Variants in CDH13 observed in about 807,000 individuals in gnomAD.
The protein encoded by CDH13 is cadherin-13.
In CDH13, 24 loss-of-function variants were observed where a neutral mutation model predicts 63.8. The ratio of observed to expected loss-of-function variants is 0.38; its 90% confidence interval spans 0.27 to 0.53. CDH13 has a LOEUF of 0.53. Ranked by LOEUF, CDH13 falls within the 20% of genes least tolerant of loss-of-function variation. CDH13 has a pLI of 0.85. For synonymous variants in CDH13, 503 were observed against 355.3 expected (o/e 1.42, Z -4.67); for missense variants, 1,049 against 903.1 (o/e 1.16, Z -2.07).
chr16:82,693,293 G>A (rs1188590150), intron 1 of CDH13, among the ~76,000 whole-genome samples: 1 of 152,174 alleles, frequency 6.6e-6, no homozygotes, highest in South Asian at 2.1e-4. Context: ...TTTATTTTAA[G>A]CTTCTTAGTT....
chr16:83,208,930 C>G (rs2039257360), intron 4 of CDH13, among the ~76,000 whole-genome samples: 1 of 152,080 alleles, frequency 6.6e-6, no homozygotes, highest in African/African-American at 2.4e-5. Context: ...AAAGGGACCC[C>G]TGCAAATTAT....
intron 8 of CDH13, among the ~76,000 whole-genome samples, chr16:83,652,399 C>T (rs1423512091): frequency 2.0e-5 from 3 of 152,264 alleles, no homozygotes; most frequent in South Asian, 2.1e-4. Context: ...TAGACATGTG[C>T]TTTCTCCAGT....
chr16:83,481,172 C>A (rs902043985), intron 6 of CDH13, among the ~76,000 whole-genome samples: 9 of 152,192 alleles, frequency 5.9e-5, no homozygotes, highest in African/African-American at 2.2e-4. Flanking sequence ...CACACTTCTC[C>A]CTGGAAAGCA....
intron 2 of CDH13, among the ~76,000 whole-genome samples, chr16:82,897,444 C>G (rs2041307515): frequency 6.6e-6 from 1 of 152,216 alleles, no homozygotes; most frequent in Non-Finnish European, 1.5e-5. Context: ...GGCTCTTCCT[C>G]CAGGTTTTCT....
chr16:82,728,779 T>G (rs1230550979), intron 1 of CDH13, among the ~76,000 whole-genome samples: 1 of 152,192 alleles, frequency 6.6e-6, no homozygotes, highest in African/African-American at 2.4e-5. Flanking sequence ...TGTAAAAATT[T>G]TGTATAGCAT....
At chr16:83,494,575 A>G (rs374254358) in intron 7 of CDH13, among the ~76,000 whole-genome samples, 161 of 152,270 alleles carry the variant, frequency 1.1e-3, no homozygotes, top group African/African-American at 3.8e-3. Flanking sequence ...GTTGGTTGAG[A>G]GTTTTTGGGA....
intron 6 of CDH13, among the ~76,000 whole-genome samples, chr16:83,460,168 T>C (rs1031048977): frequency 6.6e-6 from 1 of 152,234 alleles, no homozygotes; most frequent in Admixed American, 6.5e-5. Flanking sequence ...TGGCCATTGC[T>C]AAAATTCCAG....
At chr16:83,710,819 G>A (rs553498789) in intron 10 of CDH13, among the ~76,000 whole-genome samples, 3 of 152,180 alleles carry the variant, frequency 2.0e-5, no homozygotes, top group Non-Finnish European at 4.4e-5. Context: ...TTCGGAACGG[G>A]AGAGGGCTGC....
chr16:82,874,675 A>C (rs1226740746), intron 2 of CDH13, among the ~76,000 whole-genome samples: 1 of 152,214 alleles, frequency 6.6e-6, no homozygotes, highest in Non-Finnish European at 1.5e-5. Context: ...TCTGAATAAC[A>C]TAAAAGAAAT....
chr16:83,221,369 A>G (rs2039695373), intron 5 of CDH13, among the ~76,000 whole-genome samples: 1 of 152,106 alleles, frequency 6.6e-6, no homozygotes, highest in Non-Finnish European at 1.5e-5. Flanking sequence ...CTGGCAAAAT[A>G]ATTTATCTCT....
chr16:82,964,185 A>G (rs1907470831), intron 2 of CDH13, among the ~76,000 whole-genome samples: 2 of 152,184 alleles, frequency 1.3e-5, no homozygotes, highest in African/African-American at 2.4e-5. Context: ...TAATAAAACA[A>G]TCTCAATGGT....
intron 4 of CDH13, among the ~76,000 whole-genome samples, chr16:83,215,425 T>G (rs567299199): frequency 6.6e-6 from 1 of 152,152 alleles, no homozygotes; most frequent in South Asian, 2.1e-4. Context: ...TTTCAGTTAC[T>G]CTTAAAAATA....
intron 5 of CDH13, 49 bp downstream of exon 5, chr16:83,217,546 C>T (rs1567515177): frequency 6.4e-7 from 1 of 1,573,674 alleles, no homozygotes; most frequent in African/African-American, 1.4e-5. Flanking sequence ...ATGTGGCTTT[C>T]AAAGATTGTT....
chr16:82,652,406 A>G (rs1403028010), intron 1 of CDH13, among the ~76,000 whole-genome samples: 1 of 152,238 alleles, frequency 6.6e-6, no homozygotes, highest in African/African-American at 2.4e-5. Context: ...CTCGTTATAT[A>G]TCTTCTATCC....
chr16:83,631,801 G>C (rs187690491), intron 8 of CDH13, among the ~76,000 whole-genome samples: 1 of 152,164 alleles, frequency 6.6e-6, no homozygotes, highest in Non-Finnish European at 1.5e-5. Context: ...CACTGCTGCC[G>C]CCAATGAACT....
At chr16:83,051,351 G>A (rs953496578) in intron 3 of CDH13, among the ~76,000 whole-genome samples, 2 of 152,124 alleles carry the variant, frequency 1.3e-5, no homozygotes, top group Non-Finnish European at 2.9e-5. Flanking sequence ...GTTGCAATAG[G>A]TTTACAGGAA....
At chr16:83,013,110 C>T (rs1357910980) in intron 2 of CDH13, among the ~76,000 whole-genome samples, 1 of 152,178 alleles carries the variant, frequency 6.6e-6, no homozygotes, top group Non-Finnish European at 1.5e-5. Flanking sequence ...CAGCAGTGAT[C>T]AACAAACTTA....
intron 3 of CDH13, among the ~76,000 whole-genome samples, chr16:83,034,929 G>A (rs1007892277): frequency 1.3e-5 from 2 of 152,062 alleles, no homozygotes; most frequent in Non-Finnish European, 2.9e-5. Flanking sequence ...GCCTGTGATT[G>A]TTTTTGCTTC....
intron 3 of CDH13, among the ~76,000 whole-genome samples, chr16:83,073,051 T>C (rs1343884377): frequency 6.6e-6 from 1 of 152,218 alleles, no homozygotes; most frequent in Non-Finnish European, 1.5e-5. Context: ...GTGCTTGTGT[T>C]GAGTCCAGCA....
Sources: allele counts gnomAD v4.1 joint callset (sites outside exome capture counted in the v4.1 genomes callset), GRCh38; gene constraint gnomAD v4.1.1; transcripts MANE v1.5; gene names NCBI Gene and HGNC (gene_info 2026-07-23, HGNC 2026-07-21).